Variants in MSI2 observed in about 807,000 individuals in gnomAD.
MSI2 encodes RNA-binding protein Musashi homolog 2.
In MSI2, 17 loss-of-function variants were observed where a neutral mutation model predicts 45.6. The ratio of observed to expected loss-of-function variants is 0.37; its 90% CI spans 0.26 to 0.56. The LOEUF is 0.56. Among genes scored for constraint, MSI2 ranks in the 20% least tolerant of loss-of-function variants. The pLI is 0.77. For missense variants in MSI2, 293 were observed against 444.2 expected (o/e 0.66, Z 3.06); for synonymous variants, 156 against 158.2 (o/e 0.99, Z 0.11).
At chr17:57,617,271 T>A (rs1384698522) in intron 9 of MSI2, among the ~76,000 whole-genome samples, 1 of 152,208 alleles carries the variant, frequency 6.6e-6, no homozygotes, top group Non-Finnish European at 1.5e-5. Flanking sequence ...CAAAGAGAAA[T>A]CCTATTGTAA....
At chr17:57,640,198 C>T (rs1374182901) in intron 10 of MSI2, among the ~76,000 whole-genome samples, 1 of 152,218 alleles carries the variant, frequency 6.6e-6, no homozygotes, top group African/African-American at 2.4e-5. Flanking sequence ...CCAGGCTCCG[C>T]ATTCATGCCT....
At chr17:57,326,853 C>T (rs1338016270) in intron 5 of MSI2, among the ~76,000 whole-genome samples, 3 of 152,170 alleles carry the variant, frequency 2.0e-5, no homozygotes. Context: ...AAACCACGGA[C>T]TAGTAGCAAT....
intron 6 of MSI2, among the ~76,000 whole-genome samples, chr17:57,424,107 G>A (rs949528568): frequency 6.6e-6 from 1 of 152,150 alleles, no homozygotes; most frequent in African/African-American, 2.4e-5. Flanking sequence ...ATCCTTTGGG[G>A]CAGCATGAAC....
At chr17:57,554,294 T>C (rs1598395473) in intron 7 of MSI2, among the ~76,000 whole-genome samples, 2 of 152,166 alleles carry the variant, frequency 1.3e-5, no homozygotes, top group South Asian at 4.1e-4. Flanking sequence ...TTAGACTTGG[T>C]GCTCTCAAAG....
chr17:57,418,647 C>CA, intron 6 of MSI2, among the ~76,000 whole-genome samples: 1 of 152,308 alleles, frequency 6.6e-6, no homozygotes, highest in South Asian at 2.1e-4. Context: ...CAAACGTGTG[C>CA]AAAGGCTTGC....
At chr17:57,631,564 G>A in intron 10 of MSI2, 1 of 532,944 alleles carries the variant, frequency 1.9e-6, no homozygotes, top group Non-Finnish European at 3.3e-6. Context: ...TTTTTAGAGT[G>A]GGGAGTAGTT....
At chr17:57,690,825 T>G in the MSI2 span, among the ~76,000 whole-genome samples, 1 of 152,218 alleles carries the variant, frequency 6.6e-6, no homozygotes. Context: ...GGATTGTTCT[T>G]TTAGTGTCAT....
At chr17:57,335,100 A>G (rs9890811) in intron 5 of MSI2, among the ~76,000 whole-genome samples, 23,904 of 152,158 alleles carry the variant, frequency 0.16, 3,717 homozygotes, top group African/African-American at 0.39. Flanking sequence ...GGAATCCGTC[A>G]GTGCCAGGAG....
At chr17:57,339,798 T>C (rs2143781115) in intron 5 of MSI2, among the ~76,000 whole-genome samples, 1 of 152,290 alleles carries the variant, frequency 6.6e-6, no homozygotes, top group East Asian at 1.9e-4. Context: ...TTGGGTCTCC[T>C]GACTCCCAGA....
At chr17:57,350,461 C>T (rs959384480) in intron 5 of MSI2, among the ~76,000 whole-genome samples, 3 of 152,094 alleles carry the variant, frequency 2.0e-5, no homozygotes, top group African/African-American at 7.2e-5. Context: ...TGTGATTGGC[C>T]TTTGGAGACC....
At chr17:57,549,444 G>T (rs901879109) in intron 7 of MSI2, among the ~76,000 whole-genome samples, 1 of 151,194 alleles carries the variant, frequency 6.6e-6, no homozygotes, top group Non-Finnish European at 1.5e-5. Context: ...TCCGGTAGTT[G>T]CTCACTACCA....
intron 4 of MSI2, 81 bp downstream of exon 4, chr17:57,258,435 C>A (rs1907017914): frequency 1.8e-6 from 2 of 1,138,820 alleles, no homozygotes; most frequent in Non-Finnish European, 2.7e-6. Flanking sequence ...AGGGACAGTG[C>A]CTTCTTTTGC....
chr17:57,432,783 G>A (rs1024592829), intron 6 of MSI2, among the ~76,000 whole-genome samples: 18 of 152,102 alleles, frequency 1.2e-4, no homozygotes, highest in African/African-American at 4.3e-4. Flanking sequence ...TGACTCACTC[G>A]TTGAGACCGA....
chr17:57,492,933 C>T (rs1300208975), intron 6 of MSI2, among the ~76,000 whole-genome samples: 2 of 152,172 alleles, frequency 1.3e-5, no homozygotes, highest in Admixed American at 6.6e-5. Context: ...CTTTGTTCTT[C>T]CTCCATTTTC....
intron 5 of MSI2, among the ~76,000 whole-genome samples, chr17:57,273,981 C>G (rs1305285864): frequency 1.3e-5 from 2 of 152,186 alleles, no homozygotes; most frequent in East Asian, 3.9e-4. Flanking sequence ...AAACATCTAC[C>G]CCAGTGTGGG....
At chr17:57,576,637 C>T (rs113868114) in intron 7 of MSI2, among the ~76,000 whole-genome samples, 5,428 of 151,846 alleles carry the variant, frequency 0.036, 246 homozygotes, top group African/African-American at 0.1. Context: ...GCCTGTAATC[C>T]CAGCTACTTG....
At chr17:57,279,624 T>A (rs1416129364) in intron 5 of MSI2, 4 of 152,162 alleles carry the variant, frequency 2.6e-5, no homozygotes, top group Non-Finnish European at 4.4e-5. Flanking sequence ...ATTGCATGAT[T>A]CACTACTTTT....
Position 57,659,083 on chromosome 17 carries a change from T to G in MSI2, c.790+6922T>G, listed in dbSNP as rs62058151. On this transcript the variant is annotated intron_variant, in intron 11 of 13. Transcript: ENST00000284073. ...TGGTTGGTTGGTTGGTTGGTTGGTT[T>G]GTTGTTGTTGTTTTGAGACAGACTC... is the stretch of plus-strand genomic sequence containing the variant. 9.8e-4 allele frequency among the ~76,000 whole-genome samples: 149 copies of G among 151,392 alleles called. 1 individual carries two copies. The highest frequency in any genetic ancestry group is 4.3e-3 in the East Asian group (22 of 5,116).
chr17:57,478,665 C>T (rs9916798), intron 6 of MSI2, among the ~76,000 whole-genome samples: 105 of 152,236 alleles, frequency 6.9e-4, no homozygotes, highest in Middle Eastern at 6.8e-3. Context: ...CTCAGACTGC[C>T]CTGGGAGAAT....
Sources: gnomAD v4.1 joint callset for allele counts (sites outside exome capture counted in the v4.1 genomes callset) on GRCh38, gnomAD v4.1.1 for gene constraint, MANE v1.5 for transcripts, NCBI Gene and HGNC (gene_info 2026-07-23, HGNC 2026-07-21) for gene names.